Variants in DNAJA2 observed in about 807,000 individuals in gnomAD.
DNAJA2 encodes dnaJ homolog subfamily A member 2.
DNAJA2 carries 6 observed loss-of-function variants against 49.3 expected under a neutral mutation model. The ratio of observed to expected loss-of-function variants is 0.12; its 90% CI spans 0.07 to 0.24. The LOEUF is 0.24. Among genes scored for constraint, DNAJA2 ranks in the 10% least tolerant of loss-of-function variants. DNAJA2 has a pLI of 1.00. For missense variants in DNAJA2, 347 were observed against 516.8 expected, an observed-to-expected ratio of 0.67 and a Z score of 3.19; for synonymous variants, 160 against 172.7, an observed-to-expected ratio of 0.93 and a Z score of 0.58.
intron 8 of DNAJA2, among the ~76,000 whole-genome samples, chr16:46,958,359 T>A (rs1961845988): frequency 6.6e-6 from 1 of 151,408 alleles, no homozygotes; most frequent in African/African-American, 2.4e-5. Flanking sequence ...AGACCATCGA[T>A]CTAACATGGC....
At chr16:46,958,855 G>C (rs1422269836) in intron 8 of DNAJA2, 148 bp downstream of exon 8, 5 of 793,420 alleles carry the variant, frequency 6.3e-6, no homozygotes, top group Non-Finnish European at 7.7e-6. Context: ...GAGGTGAGAG[G>C]ATCGCTTCAG....
Position 46,971,868 on chromosome 16 carries a change from C to T in DNAJA2, c.138+28G>A, listed in dbSNP as rs199855066. 121 of 1,588,184 alleles carry T rather than the reference C, an allele frequency of 7.6e-5. 3 individuals are homozygous for T. In the African/African-American group the frequency reaches 1.4e-3, roughly 18 times the overall value. ...CAATTTAAGTTAAAGCTAAAACCCC[C>T]GGAATAAAAAAGGTGCAAATAACTT... On this transcript the variant is annotated intron_variant, in intron 2 of 8. Transcript: ENST00000317089.
chr16:46,965,771 C>T (rs1472901021), intron 5 of DNAJA2, among the ~76,000 whole-genome samples: 5 of 148,004 alleles, frequency 3.4e-5, no homozygotes, highest in Non-Finnish European at 7.4e-5. Context: ...GCAGAGGCTT[C>T]GGTGAGCTGA....
In DNAJA2 at chr16:46,958,611, AAAC is replaced by A. The variant is rs1227997750; in HGVS notation, c.1047+389_1047+391del. ...AAACAAAAAAACCCCATAAACAAAC[AAAC>A]AACAACAACAACAAACTTACCAGGC... is the stretch of plus-strand genomic sequence containing the variant. On this transcript the variant is annotated intron_variant, in intron 8 of 8. Transcript: ENST00000317089. 66 of 164,692 alleles carry A rather than the reference AAAC, an allele frequency of 4.0e-4. 1 individual carries two copies. Among genetic ancestry groups the A allele is most frequent in the East Asian group, 5.1e-4 (3 of 5,914 alleles). 10.2% of individuals were successfully genotyped at this position (164,692 alleles called of 1,614,324 possible).
rs1187712000 is a variant in DNAJA2 at position 46,969,835 on chromosome 16, T to A, written c.362+1514A>T. 2.0e-5 allele frequency among the ~76,000 whole-genome samples: 3 copies of A among 152,200 alleles called. No individual in the cohort carries two copies. In the East Asian group the frequency reaches 5.8e-4, roughly 29 times the overall value. ...GAAAACTTTCACTATATAGCATAAC[T>A]TTTTTTTAAACATGAAGAACTATAA... On this transcript the variant is annotated intron_variant, in intron 3 of 8. Coordinates refer to ENST00000317089, the MANE Select transcript of DNAJA2 (RefSeq NM_005880.4).
chr16:46,963,761 A>AT (rs1007983565), intron 6 of DNAJA2, among the ~76,000 whole-genome samples: 7 of 151,960 alleles, frequency 4.6e-5, no homozygotes, highest in South Asian at 2.1e-4. Context: ...CTAAAAAAAT[A>AT]TTTTTTTTAA....
intron 4 of DNAJA2, among the ~76,000 whole-genome samples, 182 bp downstream of exon 4, chr16:46,967,902 C>T (rs764372182): frequency 2.6e-5 from 4 of 152,104 alleles, no homozygotes; most frequent in African/African-American, 4.8e-5. Context: ...CGGGTTCAAG[C>T]GATTCTCCTA....
chr16:46,964,430 C>G (rs962415592), intron 6 of DNAJA2, among the ~76,000 whole-genome samples, 181 bp downstream of exon 6: 1 of 152,192 alleles, frequency 6.6e-6, no homozygotes, highest in African/African-American at 2.4e-5. Context: ...GTGCTTCTAA[C>G]TGCACCTGCC....
rs12598887 is a variant in DNAJA2 at position 46,970,897 on chromosome 16, G to T, written c.362+452C>A. ...CTTCTAAAAATACAAAATTAGCCGG[G>T]TGTGTTGGCATATGCCTGTAATCCC... On this transcript the variant is annotated intron_variant, in intron 3 of 8. Coordinates refer to ENST00000317089, the MANE Select transcript of DNAJA2 (RefSeq NM_005880.4). Among the ~76,000 whole-genome samples, 464 of 152,044 alleles carry T rather than the reference G, an allele frequency of 3.1e-3. 9 individuals are homozygous for T. In the East Asian group the frequency reaches 0.047, roughly 15 times the overall value.
At chr16:46,963,802 T>C (rs991285554) in intron 6 of DNAJA2, among the ~76,000 whole-genome samples, 1 of 152,084 alleles carries the variant, frequency 6.6e-6, no homozygotes, top group African/African-American at 2.4e-5. Context: ...CAAGGATAGC[T>C]CACTTGGGTA....
In DNAJA2 at chr16:46,959,066, A is replaced by C; in HGVS notation, c.984T>G (p.Asp328Glu). The change falls in exon 8 of 9, where the codon GAT (aspartate) becomes GAG (glutamate). Residue 328 changes from aspartate to glutamate, a missense_variant. Physicochemically the swap from Asp to Glu is conservative, Grantham distance 45 (BLOSUM62 2). Coordinates refer to ENST00000317089, the MANE Select transcript of DNAJA2 (RefSeq NM_005880.4). Reference sequence around the variant, plus strand: ...ACTGCACATCAAACTTTATGTAAAGATCACCTTTTTCAAAGGGATTACGAT... The same window carrying C: ...ACTGCACATCAAACTTTATGTAAAGCTCACCTTTTTCAAAGGGATTACGAT... The part of the protein sequence containing the change: ...PQYRNPFEKG[D>E]LYIKFDVQFP... The C allele has an allele frequency of 1.9e-6, 3 of 1,613,448 alleles. No individual in the cohort carries two copies. Among genetic ancestry groups the C allele is most frequent in the Non-Finnish European group, 2.5e-6 (3 of 1,179,782 alleles).
intron 8 of DNAJA2, among the ~76,000 whole-genome samples, chr16:46,958,263 G>C (rs976833349): frequency 6.7e-6 from 1 of 150,324 alleles, no homozygotes; most frequent in African/African-American, 2.5e-5. Flanking sequence ...TAAAAAGAAA[G>C]AAACTTGGCT....
intron 2 of DNAJA2, 27 bp downstream of exon 2, chr16:46,971,869 G>A (rs1011781827): frequency 1.9e-6 from 3 of 1,589,512 alleles, no homozygotes; most frequent in Non-Finnish European, 2.6e-6. Context: ...TAAAACCCCC[G>A]GAATAAAAAA....
rs369252807 is a variant in DNAJA2, at chr16:46,973,443, T to G, written c.78+52A>C. 2.7e-3 allele frequency: 4,067 copies of G among 1,523,972 alleles called. 11 individuals carry two copies. Among genetic ancestry groups the G allele is most frequent in the Non-Finnish European group, 3.3e-3 (3,717 of 1,137,820 alleles). 94.4% of individuals were successfully genotyped at this position (1,523,972 alleles called of 1,614,324 possible). On this transcript the variant is annotated intron_variant, in intron 1 of 8. Transcript: ENST00000317089. The stretch of plus-strand genomic sequence containing the variant: ...GCGGCCTGGCTGAAGAAGACATCCC[T>G]GGCCGCGCAGGCCCCGCGCCCCTCA...
In DNAJA2 at chr16:46,956,966, T is replaced by G; in HGVS notation, c.*63A>C. 1 of 1,578,574 alleles carries G rather than the reference T, an allele frequency of 6.3e-7. No individual in the cohort carries two copies. The highest frequency in any genetic ancestry group is 1.3e-5 in the African/African-American group (1 of 74,374). Reference sequence around the variant, plus strand: ...GGATTGATAAGACACTCCAGCTGGATTGCTGAGAACAAATCAGGCAAATGT... The same window carrying G: ...GGATTGATAAGACACTCCAGCTGGAGTGCTGAGAACAAATCAGGCAAATGT... On this transcript the variant is annotated 3_prime_UTR_variant, in exon 9 of 9. Coordinates refer to ENST00000317089, the MANE Select transcript of DNAJA2 (RefSeq NM_005880.4).
At chr16:46,966,962 G>A (rs555264706) in intron 5 of DNAJA2, among the ~76,000 whole-genome samples, 17 of 152,182 alleles carry the variant, frequency 1.1e-4, no homozygotes, top group African/African-American at 4.1e-4. Flanking sequence ...AATAGCAAAG[G>A]GACAAATAAT....
intron 5 of DNAJA2, among the ~76,000 whole-genome samples, chr16:46,965,849 GA>G (rs1366142819): frequency 1.4e-5 from 2 of 147,978 alleles, no homozygotes; most frequent in Non-Finnish European, 1.5e-5. Flanking sequence ...AAAAAAAAAA[GA>G]AAAAAGAAAA....
At chr16:46,964,006 A>T (rs1346925262) in intron 6 of DNAJA2, among the ~76,000 whole-genome samples, 1 of 152,144 alleles carries the variant, frequency 6.6e-6, no homozygotes, top group Non-Finnish European at 1.5e-5. Context: ...TGGGAGGTGG[A>T]GGCTGCAGTG....
chr16:46,958,820 C>T, intron 8 of DNAJA2, 183 bp downstream of exon 8: 1 of 613,940 alleles, frequency 1.6e-6, no homozygotes, highest in Admixed American at 3.6e-5. Context: ...CAACACACAC[C>T]TGTAGTCCCA....
Sources: gnomAD v4.1 joint callset for allele counts (sites outside exome capture counted in the v4.1 genomes callset) on GRCh38, gnomAD v4.1.1 for gene constraint, MANE v1.5 for transcripts, NCBI Gene and HGNC (gene_info 2026-07-23, HGNC 2026-07-21) for gene names.